RGS17: variants seen among roughly 807,000 people sequenced by gnomAD.
RGS17 encodes regulator of G protein signaling 17, also known as regulator of G-protein signaling 17.
A neutral mutation model predicts 25.5 loss-of-function variants in RGS17; 12 were observed. That is an observed-to-expected ratio of 0.47 (90% CI 0.30 to 0.76). The LOEUF (loss-of-function observed/expected upper bound fraction) is 0.76, where lower values mean the gene tolerates loss of function less well. RGS17 is among the 30% of genes least tolerant of loss of function. The pLI is 0.07. For synonymous variants in RGS17, 71 were observed against 76.9 expected, an observed-to-expected ratio of 0.92 and a Z score of 0.40; for missense variants, 196 against 242.2, an observed-to-expected ratio of 0.81 and a Z score of 1.27.
Position 153,009,525 on chromosome 6 carries a change from C to T in RGS17, c.*2049G>A, listed in dbSNP as rs1779110635. On this transcript the variant is annotated 3_prime_UTR_variant, in exon 5 of 5. Coordinates refer to ENST00000206262, the MANE Select transcript of RGS17 (RefSeq NM_012419.5). ...AAATATGACTTTTTGTAAACATCTT[C>T]ATAGCTATCTTTTTTTCAACATATT... The T allele has an allele frequency of 6.6e-6, 1 of 151,888 alleles. No homozygotes were observed. Among genetic ancestry groups the T allele is most frequent in the African/African-American group, 2.4e-5 (1 of 41,410 alleles). 9.4% of individuals were successfully genotyped at this position (151,888 alleles called of 1,614,324 possible). A position where few individuals can be genotyped will look rare whatever the true frequency, so the allele number is the denominator to read the frequency against.
At position 153,025,997 on chromosome 6, in the gene RGS17, G is replaced by A. The variant is rs1779298078; in HGVS notation, c.209+457C>T. Among the ~76,000 whole-genome samples, 3 of 151,998 alleles carry A rather than the reference G, an allele frequency of 2.0e-5. No individual in the cohort carries two copies. The South Asian group carries it at 6.2e-4, about 32-fold the overall frequency. Reference sequence around the variant, plus strand: ...TTTGTATTTTGATTTTAGTCCATAGGTACCTCTCGTTTGGGAGGCAGCACG... The same window carrying A: ...TTTGTATTTTGATTTTAGTCCATAGATACCTCTCGTTTGGGAGGCAGCACG... On this transcript the variant is annotated intron_variant, in intron 3 of 4. Transcript: ENST00000206262.
intron 1 of RGS17, among the ~76,000 whole-genome samples, chr6:153,054,110 ATATGTG>A (rs1270921726): frequency 0.013 from 1,357 of 102,734 alleles, 197 homozygotes; most frequent in Admixed American, 0.038. Flanking sequence ...ATATATATAT[ATATGTG>A]TATATATATA....
intron 1 of RGS17, among the ~76,000 whole-genome samples, chr6:153,123,694 A>C (rs1244011549): frequency 6.6e-6 from 1 of 152,212 alleles, no homozygotes; most frequent in Non-Finnish European, 1.5e-5. Context: ...TCAAAGATGG[A>C]ACTGCAGCAG....
chr6:153,117,386 G>T (rs1777560977), intron 1 of RGS17, among the ~76,000 whole-genome samples: 1 of 152,082 alleles, frequency 6.6e-6, no homozygotes, highest in African/African-American at 2.4e-5. Flanking sequence ...AAACACGTGG[G>T]GATTATGGGA....
intron 1 of RGS17, among the ~76,000 whole-genome samples, chr6:153,101,765 T>A (rs987348877): frequency 2.1e-5 from 3 of 141,024 alleles, no homozygotes; most frequent in Admixed American, 7.3e-5. Context: ...TCTGGTTGTT[T>A]GAAAGTATGT....
rs914310442 is a variant in RGS17 at position 153,060,727 on chromosome 6, T to C, written c.-25-16684A>G. ...AAGGTTTATCGCACTTTTTTTTTTT[T>C]CTTAAAATGTCGGTGCCTACTAATG... is the stretch of plus-strand genomic sequence containing the variant. On this transcript the variant is annotated intron_variant, in intron 1 of 4. Transcript: ENST00000206262. 9.7e-4 allele frequency among the ~76,000 whole-genome samples: 148 copies of C among 151,834 alleles called. 1 individual carries two copies. Among genetic ancestry groups the C allele is most frequent in the Middle Eastern group, 3.4e-3 (1 of 294 alleles).
In RGS17 at chr6:153,121,253, C is replaced by T. The variant is rs990693815; in HGVS notation, c.-26+9871G>A. 3.0e-4 allele frequency among the ~76,000 whole-genome samples: 46 copies of T among 152,208 alleles called. 1 individual carries two copies. Among genetic ancestry groups the T allele is most frequent in the South Asian group, 2.1e-4 (1 of 4,826 alleles). On this transcript the variant is annotated intron_variant, in intron 1 of 4. Coordinates refer to ENST00000206262, the MANE Select transcript of RGS17 (RefSeq NM_012419.5). ...ACACAGGCTGTATTTACCAATGCAC[C>T]GAAAGACTTTTCTCTCTTTCCTTTG...
intron 1 of RGS17, among the ~76,000 whole-genome samples, chr6:153,046,495 T>A (rs1277496808): frequency 6.6e-6 from 1 of 151,842 alleles, no homozygotes; most frequent in Non-Finnish European, 1.5e-5. Flanking sequence ...AATTATTATT[T>A]GTCAATTAAA....
At chr6:153,093,954 G>A (rs1777169358) in intron 1 of RGS17, among the ~76,000 whole-genome samples, 1 of 151,962 alleles carries the variant, frequency 6.6e-6, no homozygotes, top group African/African-American at 2.4e-5. Context: ...GATTGTTCTC[G>A]GGCCCAAATG....
intron 1 of RGS17, among the ~76,000 whole-genome samples, chr6:153,122,485 T>C (rs1046644570): frequency 4.6e-5 from 7 of 152,090 alleles, no homozygotes; most frequent in African/African-American, 1.4e-4. Context: ...TCAGTGAAAA[T>C]TGAAGTTACT....
chr6:153,028,604 G>C (rs1013236644), intron 2 of RGS17, among the ~76,000 whole-genome samples: 3 of 152,100 alleles, frequency 2.0e-5, no homozygotes, highest in African/African-American at 7.2e-5. Context: ...AAGTGGATGG[G>C]GGGGGATACA....
chr6:153,099,798 G>A (rs1777271141), intron 1 of RGS17, among the ~76,000 whole-genome samples: 1 of 152,146 alleles, frequency 6.6e-6, no homozygotes, highest in Non-Finnish European at 1.5e-5. Flanking sequence ...AAGCAGAAAA[G>A]CACTTTCAGA....
intron 2 of RGS17, among the ~76,000 whole-genome samples, chr6:153,034,977 C>G (rs1776220133): frequency 6.8e-6 from 1 of 146,786 alleles, no homozygotes; most frequent in African/African-American, 2.6e-5. Flanking sequence ...TGGTGAAACC[C>G]TGTCTCCACT....
intron 4 of RGS17, among the ~76,000 whole-genome samples, chr6:153,012,305 G>T (rs502415): frequency 0.7 from 105,943 of 152,076 alleles, 37,019 homozygotes; most frequent in Admixed American, 0.73. Flanking sequence ...GTATGCTTCA[G>T]GTCTCACATC....
intron 1 of RGS17, among the ~76,000 whole-genome samples, chr6:153,116,106 C>CA (rs1180229824): frequency 3.3e-5 from 5 of 152,106 alleles, no homozygotes; most frequent in East Asian, 3.9e-4. Flanking sequence ...TTCTGCACAG[C>CA]AAAAAAACTA....
At chr6:153,102,560 C>A (rs888815243) in intron 1 of RGS17, among the ~76,000 whole-genome samples, 4 of 152,108 alleles carry the variant, frequency 2.6e-5, no homozygotes, top group African/African-American at 9.7e-5. Flanking sequence ...ATCATGGGGG[C>A]AGCTTCCCCC....
chr6:153,044,203 T>A (rs1184753049), intron 1 of RGS17, among the ~76,000 whole-genome samples, 160 bp from the exon 2 acceptor site: 3 of 152,200 alleles, frequency 2.0e-5, no homozygotes, highest in Non-Finnish European at 4.4e-5. Context: ...TCAGGAAAAC[T>A]TTTTAGAAGG....
rs6899480 is a variant in RGS17 at position 153,110,902 on chromosome 6, G to A, written c.-26+20222C>T. ...TGTGCTGTGAGGAATGGTGCACTCC[G>A]GCCTAGGTACTACACTTTTCCCACG... On this transcript the variant is annotated intron_variant, in intron 1 of 4. Coordinates refer to ENST00000206262, the MANE Select transcript of RGS17 (RefSeq NM_012419.5). 3.1e-3 allele frequency among the ~76,000 whole-genome samples: 476 copies of A among 152,284 alleles called. 3 individuals are homozygous for A. The highest frequency in any genetic ancestry group is 0.011 in the African/African-American group (453 of 41,566).
At position 153,014,464 on chromosome 6, in the gene RGS17, GGATC is replaced by G. The variant is rs1779162555; in HGVS notation, c.445-2706_445-2703del. 2.0e-5 allele frequency among the ~76,000 whole-genome samples: 3 copies of G among 152,228 alleles called. No homozygotes were observed. In the South Asian group the frequency reaches 6.2e-4, roughly 32 times the overall value. ...ACACAGCATCCATTCTGCAGCCCAT[GGATC>G]AAGAAGTAATTTCAACTCACAAGTA... On this transcript the variant is annotated intron_variant, in intron 4 of 4. Transcript: ENST00000206262.
Sources: gnomAD v4.1 joint callset for allele counts (sites outside exome capture counted in the v4.1 genomes callset) on GRCh38, gnomAD v4.1.1 for gene constraint, MANE v1.5 for transcripts, NCBI Gene and HGNC (gene_info 2026-07-23, HGNC 2026-07-21) for gene names.